KCNG4: variants seen among roughly 807,000 people sequenced by gnomAD.
The protein encoded by KCNG4 is voltage-gated potassium channel regulatory subunit KCNG4.
In KCNG4, 30 loss-of-function variants were observed where a neutral mutation model predicts 28.2. The ratio of observed to expected loss-of-function variants is 1.06; its 90% confidence interval spans 0.80 to 1.44. The LOEUF (loss-of-function observed/expected upper bound fraction) is 1.44. Among genes scored for constraint, KCNG4 ranks in the 40% most tolerant of loss-of-function variants. The probability of loss-of-function intolerance (pLI) is 0.00; values close to 1 mark genes in which losing one functional copy is unlikely to be tolerated. For synonymous variants in KCNG4, 375 were observed against 315.5 expected (o/e 1.19, Z -2.00); for missense variants, 879 against 712.3 (o/e 1.23, Z -2.66).
intron 2 of KCNG4, among the ~76,000 whole-genome samples, chr16:84,230,037 T>C (rs1163870692): frequency 6.6e-6 from 1 of 151,192 alleles, no homozygotes; most frequent in Non-Finnish European, 1.5e-5. Context: ...GGCAGGGAGG[T>C]GGAAATGGCA....
chr16:84,222,503 A>T lies in KCNG4; in HGVS notation c.1274T>A (p.Val425Glu). The T allele has an allele frequency of 6.2e-7, 1 of 1,613,468 alleles. No homozygotes were observed. The highest frequency in any genetic ancestry group is 8.5e-7 in the Non-Finnish European group (1 of 1,179,784). ...CATCTGGCCTGGCACACTGCGGGGC[A>T]CCATGTCCCCGTAGCCCACCGTTGT... ...SMTTVGYGDM[V>E]PRSVPGQMVA... is the part of the protein sequence containing the mutation. The change falls in exon 3 of 3, where the codon GTG becomes GAG. Residue 425 changes from valine to glutamate, a missense_variant. Physicochemically the swap from Val to Glu is moderately radical, Grantham distance 121. Transcript: ENST00000308251.
rs1904985204 is a variant in KCNG4, at chr16:84,237,138, G to A, written c.348C>T (p.Ser116=). The A allele has an allele frequency of 1.2e-6, 2 of 1,614,052 alleles. No individual in the cohort carries two copies. Among genetic ancestry groups the A allele is most frequent in the African/African-American group, 1.3e-5 (1 of 74,934 alleles). ...TCACGATCACCCCGAAGGCGCTGGG[G>A]CTCCTGTCGAAGAAGAACTCCTGGC... ...EDSQEFFFDR[S]PSAFGVIVSF... The change falls in exon 2 of 3, where the codon AGC becomes AGT. Residue 116 remains serine, a synonymous_variant. Transcript: ENST00000308251.
chr16:84,234,118 T>G lies in KCNG4; in HGVS notation c.756+2612A>C, dbSNP rs775109932. Among the ~76,000 whole-genome samples, 71 of 152,302 alleles carry G rather than the reference T, an allele frequency of 4.7e-4. 1 individual carries two copies. The highest frequency in any genetic ancestry group is 1.9e-3 in the South Asian group (9 of 4,814). On this transcript the variant is annotated intron_variant, in intron 2 of 2. Transcript: ENST00000308251. ...CGGAACTTTAAAATCCGGTGCCCCTTAGAAGAGCTCAGGTGCTGGCTTGGT... is the reference window on the plus strand; with the variant it reads ...CGGAACTTTAAAATCCGGTGCCCCTGAGAAGAGCTCAGGTGCTGGCTTGGT...
intron 2 of KCNG4, among the ~76,000 whole-genome samples, chr16:84,228,924 C>G (rs4782596): frequency 0.72 from 108,975 of 152,218 alleles, 39,323 homozygotes; most frequent in Middle Eastern, 0.8. Flanking sequence ...GATCCATCAC[C>G]GGCTCTCCAC....
chr16:84,227,349 G>C (rs1904720670), intron 2 of KCNG4, among the ~76,000 whole-genome samples: 1 of 152,246 alleles, frequency 6.6e-6, no homozygotes, highest in Admixed American at 6.5e-5. Flanking sequence ...AGCCGAGGCG[G>C]GTGGATCACC....
chr16:84,237,288 C>G lies in KCNG4; in HGVS notation c.198G>C (p.Gly66=), dbSNP rs761170252. The change falls in exon 2 of 3, where the codon GGG becomes GGC. Residue 66 remains glycine (G), a synonymous_variant. Transcript: ENST00000308251. ...TCCAGGGGAGGAGATACCTCCTGCC[C>G]CCCACGTTGATCAGGATCTCCTTCT... ...DLKKEILINV[G]GRRYLLPWST... The G allele has an allele frequency of 1.9e-6, 3 of 1,604,488 alleles. No homozygotes were observed. The highest frequency in any genetic ancestry group is 1.7e-5 in the Admixed American group (1 of 59,120).
rs948037924 is a variant in KCNG4, at chr16:84,219,182, T to C, written c.*3035A>G. The C allele has an allele frequency of 6.6e-6, 1 of 152,248 alleles. No individual in the cohort carries two copies. The highest frequency in any genetic ancestry group is 2.4e-5 in the African/African-American group (1 of 41,444). The allele number at this position is 152,248 out of a possible 1,614,324, so 9.4% of individuals were successfully genotyped here. On this transcript the variant is annotated 3_prime_UTR_variant, in exon 3 of 3. Transcript: ENST00000308251. ...AATGTTTTGCCCCAGGAGGCAGAGC[T>C]CTGCCTGCTTTGCTGCTGGTCTTCT...
At chr16:84,229,034 C>T (rs1464288652) in intron 2 of KCNG4, among the ~76,000 whole-genome samples, 1 of 151,784 alleles carries the variant, frequency 6.6e-6, no homozygotes, top group East Asian at 1.9e-4. Flanking sequence ...CATGGTGGCT[C>T]ACGCCTGTAA....
At position 84,222,283 on chromosome 16, in the gene KCNG4, A is replaced by G. The variant is rs1362494874; in HGVS notation, c.1494T>C (p.His498=). 8 of 1,614,188 alleles carry G rather than the reference A, an allele frequency of 5.0e-6. No homozygotes were observed. The highest frequency in any genetic ancestry group is 6.8e-6 in the Non-Finnish European group (8 of 1,180,034). The part of the protein sequence containing the change: ...ELLDPHVASE[H]ELMNDVNDLI... ...GGTCATTGACATCGTTCATGAGCTC[A>G]TGTTCACTGGCCACATGGGGGTCCA... The change falls in exon 3 of 3, where the codon CAT becomes CAC. Residue 498 remains histidine (H), a synonymous_variant. Coordinates refer to ENST00000308251, the MANE Select transcript of KCNG4 (RefSeq NM_172347.3).
chr16:84,228,207 C>T (rs1402756593), intron 2 of KCNG4, among the ~76,000 whole-genome samples: 1 of 152,220 alleles, frequency 6.6e-6, no homozygotes, highest in East Asian at 1.9e-4. Context: ...CTGGGAGGGG[C>T]TCAGGGCCCA....
intron 2 of KCNG4, chr16:84,236,429 T>A (rs1484159337): frequency 2.2e-6 from 1 of 452,560 alleles, no homozygotes; most frequent in African/African-American, 2.0e-5. Context: ...TCGGGAGAGC[T>A]GGGAGAGGTG....
rs542456767 is a variant in KCNG4, at chr16:84,230,617, G to T, written c.756+6113C>A. ...ACTCTCTCTGTGCCTTCCTTCCCCT[G>T]CCCTCCACCTTAGTAAGACACTGAA... On this transcript the variant is annotated intron_variant, in intron 2 of 2. Transcript: ENST00000308251. Among the ~76,000 whole-genome samples the T allele has an allele frequency of 4.5e-4, 68 of 152,232 alleles. 1 individual carries two copies. The South Asian group carries it at 0.013, about 29-fold the overall frequency.
chr16:84,236,006 T>C (rs1248534812), intron 2 of KCNG4: 2 of 152,136 alleles, frequency 1.3e-5, no homozygotes, highest in Non-Finnish European at 2.9e-5. Flanking sequence ...GACGAAGGTG[T>C]GGGCAAGCAG....
In KCNG4 at chr16:84,222,366, G is replaced by A; in HGVS notation, c.1411C>T (p.Leu471Phe). The change falls in exon 3 of 3, where the codon CTT becomes TTT. Residue 471 changes from leucine to phenylalanine, a missense_variant. Leu to Phe is a conservative substitution (Grantham distance 22, BLOSUM62 0). Coordinates refer to ENST00000308251, the MANE Select transcript of KCNG4 (RefSeq NM_172347.3). ...YLELKKEQEQ[L>F]QARLRHLQNT... ...TGGAGGTGGCGGAGGCGGGCCTGAA[G>A]CTGCTCCTGCTCCTTCTTGAGCTCC... 6.2e-7 allele frequency: 1 copy of A among 1,614,194 alleles called. No homozygotes were observed. Among genetic ancestry groups the A allele is most frequent in the Non-Finnish European group, 8.5e-7 (1 of 1,180,020 alleles).
chr16:84,224,902 C>T (rs1199955894), intron 2 of KCNG4, among the ~76,000 whole-genome samples: 2 of 152,202 alleles, frequency 1.3e-5, no homozygotes, highest in Non-Finnish European at 2.9e-5. Context: ...GTCTGCTTGT[C>T]TAGTTACAAT....
chr16:84,235,436 T>C (rs918989244), intron 2 of KCNG4: 1 of 152,228 alleles, frequency 6.6e-6, no homozygotes, highest in African/African-American at 2.4e-5. Flanking sequence ...GTTTTTATGC[T>C]GTAGAATGAA....
Position 84,229,056 on chromosome 16 carries a change from C to T in KCNG4, c.757-6036G>A, listed in dbSNP as rs369572912. Among the ~76,000 whole-genome samples the T allele has an allele frequency of 5.9e-5, 9 of 151,998 alleles. No homozygotes were observed. In the South Asian group the frequency reaches 1.2e-3, roughly 21 times the overall value. ...GCTCACGCCTGTAATCCCAGCACTT[C>T]GGGAGGCTGAAGTGGGCAGATCACT... On this transcript the variant is annotated intron_variant, in intron 2 of 2. Coordinates refer to ENST00000308251, the MANE Select transcript of KCNG4 (RefSeq NM_172347.3).
In KCNG4 at chr16:84,222,783, C is replaced by G. The variant is rs1393315273; in HGVS notation, c.994G>C (p.Val332Leu). 9.3e-6 allele frequency: 15 copies of G among 1,611,024 alleles called. No homozygotes were observed. The highest frequency in any genetic ancestry group is 1.2e-5 in the Non-Finnish European group (14 of 1,178,006). Residue 332 changes from valine (V) to leucine (L), a missense_variant, in exon 3 of 3, where the codon GTG becomes CTG. By Grantham distance (32) the Val-to-Leu change is conservative. Transcript: ENST00000308251. ...CGCAGCACACGCAGGACCAGCCCCA[C>G]CTTCTCCAGGTAGGAGCTCCCGCTC... Reference protein sequence around the residue: ...RPSGSSYLEKVGLVLRVLRAL... With the variant: ...RPSGSSYLEKLGLVLRVLRAL...
chr16:84,222,442 G>C lies in KCNG4; in HGVS notation c.1335C>G (p.Ile445Met), dbSNP rs770100547. 6.2e-7 allele frequency: 1 copy of C among 1,614,160 alleles called. No individual in the cohort carries two copies. The highest frequency in any genetic ancestry group is 8.5e-7 in the Non-Finnish European group (1 of 1,180,036). ...ALSSILSGIL[I>M]MAFPATSIFH... ...AGATAGACGTGGCCGGGAAGGCCAT[G>C]ATGAGGATCCCGCTCAGGATGCTGC... is the stretch of plus-strand genomic sequence containing the variant. The change falls in exon 3 of 3, where the codon ATC (isoleucine) becomes ATG (methionine). Residue 445 changes from isoleucine (I) to methionine (M), a missense_variant. Ile to Met is a conservative substitution (Grantham distance 10). Transcript: ENST00000308251.
Sources: gnomAD v4.1 joint callset for allele counts (sites outside exome capture counted in the v4.1 genomes callset) on GRCh38, gnomAD v4.1.1 for gene constraint, MANE v1.5 for transcripts, NCBI Gene and HGNC (gene_info 2026-07-23, HGNC 2026-07-21) for gene names.